The following NRG3 variants were observed in gnomAD, a reference collection of about 807,000 sequenced individuals.
The protein encoded by NRG3 is pro-neuregulin-3, membrane-bound isoform.
Under a neutral mutation model 66.9 loss-of-function variants are expected in NRG3, and 31 were observed. That is an observed-to-expected ratio of 0.46 (90% CI 0.35 to 0.63). The LOEUF (loss-of-function observed/expected upper bound fraction) is 0.63, where lower values mean the gene tolerates loss of function less well. Among genes scored for constraint, NRG3 ranks in the 20% least tolerant of loss-of-function variants. The probability of loss-of-function intolerance (pLI) is 0.00; values close to 1 mark genes in which losing one functional copy is unlikely to be tolerated. For missense variants in NRG3, 910 were observed against 878.9 expected (o/e 1.04, Z -0.45); for synonymous variants, 393 against 359.4 (o/e 1.09, Z -1.06).
In NRG3 at chr10:81,921,847, G is replaced by A. The variant is rs188059031; in HGVS notation, c.823+45684G>A. On this transcript the variant is annotated intron_variant, in intron 1 of 8. Transcript: ENST00000372141. ...ACAATTTCTAGTGAAACTATGAATG[G>A]AAATGACATTTATGTTAATTTGAGA... 1.5e-4 allele frequency among the ~76,000 whole-genome samples: 23 copies of A among 152,198 alleles called. No individual in the cohort carries two copies. In the East Asian group the frequency reaches 4.4e-3, roughly 29 times the overall value.
intron 2 of NRG3, among the ~76,000 whole-genome samples, chr10:82,704,153 T>C (rs921176159): frequency 1.3e-5 from 2 of 152,182 alleles, no homozygotes; most frequent in African/African-American, 2.4e-5. Context: ...TCTGTAAACA[T>C]GTTAGAACCT....
intron 1 of NRG3, among the ~76,000 whole-genome samples, chr10:82,055,764 A>C (rs2063816696): frequency 6.6e-6 from 1 of 152,050 alleles, no homozygotes; most frequent in South Asian, 2.1e-4. Context: ...AGAGAAGGGG[A>C]GTTAATATGC....
chr10:82,584,132 G>A lies in NRG3; in HGVS notation c.954-154445G>A, dbSNP rs190663602. On this transcript the variant is annotated intron_variant, in intron 2 of 8. Coordinates refer to ENST00000372141, the MANE Select transcript of NRG3 (RefSeq NM_001010848.4). ...GATGGTGTCTTGCTCTGTTGCCCAG[G>A]CTGGAGCGCAGTGGTGTGATCTCAG... Among the ~76,000 whole-genome samples the A allele has an allele frequency of 2.0e-5, 3 of 152,214 alleles. No homozygotes were observed. The East Asian group carries it at 5.8e-4, about 29-fold the overall frequency.
chr10:82,287,368 C>T (rs58642873), intron 1 of NRG3, among the ~76,000 whole-genome samples: 18,549 of 151,864 alleles, frequency 0.12, 2,916 homozygotes, highest in African/African-American at 0.36. Flanking sequence ...CCCCAGAAGC[C>T]GGGCTGATGC....
intron 3 of NRG3, among the ~76,000 whole-genome samples, chr10:82,807,873 T>C (rs1328722411): frequency 6.6e-6 from 1 of 152,164 alleles, no homozygotes; most frequent in Non-Finnish European, 1.5e-5. Flanking sequence ...ACAAAACACA[T>C]CTAATTTTCT....
rs202118527 is a variant in NRG3, at chr10:82,978,971, C to T, written c.1434C>T (p.Ser478=). ...GCAGGAGTCTATCCTCTTGCTGCAGCCCAGGGCAAAGAAGTGGCATGCTCC... is the reference window on the plus strand; with the variant it reads ...GCAGGAGTCTATCCTCTTGCTGCAGTCCAGGGCAAAGAAGTGGCATGCTCC... The part of the protein sequence containing the change: ...KHHRSLSSCC[S]PGQRSGMLHR... Residue 478 remains serine (S), a synonymous_variant, in exon 8 of 9, where the codon AGC becomes AGT. Coordinates refer to ENST00000372141, the MANE Select transcript of NRG3 (RefSeq NM_001010848.4). 1 of 1,613,902 alleles carries T rather than the reference C, an allele frequency of 6.2e-7. No homozygotes were observed. Among genetic ancestry groups the T allele is most frequent in the African/African-American group, 1.3e-5 (1 of 75,018 alleles).
At chr10:81,901,968 G>A (rs185425146) in intron 1 of NRG3, among the ~76,000 whole-genome samples, 163 of 152,246 alleles carry the variant, frequency 1.1e-3, no homozygotes, top group African/African-American at 3.7e-3. Context: ...ATGTGTGTGC[G>A]TGTGAGTGTG....
chr10:82,226,947 G>A (rs994350840), intron 1 of NRG3, among the ~76,000 whole-genome samples: 6 of 152,158 alleles, frequency 3.9e-5, no homozygotes, highest in Non-Finnish European at 7.4e-5. Flanking sequence ...GACAAATGTG[G>A]AGCCAAGTCT....
intron 2 of NRG3, among the ~76,000 whole-genome samples, chr10:82,509,998 C>G (rs991311071): frequency 6.6e-6 from 1 of 152,150 alleles, no homozygotes; most frequent in African/African-American, 2.4e-5. Flanking sequence ...CACTTCCCTC[C>G]CTGTGCTGCT....
intron 2 of NRG3, among the ~76,000 whole-genome samples, chr10:82,494,849 A>C (rs1590342675): frequency 6.6e-6 from 1 of 152,152 alleles, no homozygotes. Flanking sequence ...GATTGAAAAT[A>C]ATATATGCAT....
At chr10:82,985,055 CCTGG>C in intron 8 of NRG3, 39 bp from the exon 9 acceptor site, 2 of 1,591,382 alleles carry the variant, frequency 1.3e-6, no homozygotes, top group Admixed American at 3.4e-5. Flanking sequence ...TCTAACAAAG[CCTGG>C]TAGAAAGCAG....
intron 3 of NRG3, among the ~76,000 whole-genome samples, chr10:82,830,049 C>T (rs1425006242): frequency 6.6e-6 from 1 of 152,094 alleles, no homozygotes; most frequent in Non-Finnish European, 1.5e-5. Flanking sequence ...ATCTTTGATC[C>T]AAGTTAAAGG....
chr10:82,485,901 A>T (rs1316915640), intron 2 of NRG3, among the ~76,000 whole-genome samples: 1 of 152,276 alleles, frequency 6.6e-6, no homozygotes, highest in Admixed American at 6.5e-5. Flanking sequence ...TCTATATCTA[A>T]TAAGGACTCA....
At chr10:82,302,614 G>A (rs1350654873) in intron 1 of NRG3, among the ~76,000 whole-genome samples, 1 of 151,974 alleles carries the variant, frequency 6.6e-6, no homozygotes. Flanking sequence ...TCACATCACA[G>A]ACCTTTTAAA....
chr10:81,947,344 A>T (rs1043784395), intron 1 of NRG3, among the ~76,000 whole-genome samples: 3 of 152,152 alleles, frequency 2.0e-5, no homozygotes, highest in African/African-American at 7.2e-5. Flanking sequence ...ATAAGATTGC[A>T]TTCTAAGGTA....
chr10:81,932,845 A>G (rs1847503069), intron 1 of NRG3, among the ~76,000 whole-genome samples: 1 of 152,158 alleles, frequency 6.6e-6, no homozygotes, highest in Non-Finnish European at 1.5e-5. Context: ...ACGGTGGCTC[A>G]TGCCTGTAAT....
chr10:82,228,344 C>A (rs1180988209), intron 1 of NRG3, among the ~76,000 whole-genome samples: 1 of 152,022 alleles, frequency 6.6e-6, no homozygotes. Context: ...ACATATTGTA[C>A]CCCTCATTAG....
intron 1 of NRG3, among the ~76,000 whole-genome samples, chr10:81,943,310 CTT>C (rs1848557102): frequency 6.6e-6 from 1 of 152,066 alleles, no homozygotes; most frequent in Admixed American, 6.6e-5. Flanking sequence ...GTGCCCAGGA[CTT>C]TGAGGCTGCA....
At chr10:82,400,019 T>C (rs958848362) in intron 2 of NRG3, among the ~76,000 whole-genome samples, 2 of 152,136 alleles carry the variant, frequency 1.3e-5, no homozygotes, top group Non-Finnish European at 2.9e-5. Flanking sequence ...TTAAGGGAGA[T>C]GAATGGGAGA....
Sources: allele counts gnomAD v4.1 joint callset (sites outside exome capture counted in the v4.1 genomes callset), GRCh38; gene constraint gnomAD v4.1.1; transcripts MANE v1.5; gene names NCBI Gene and HGNC (gene_info 2026-07-23, HGNC 2026-07-21).